The following BLK variants were observed in gnomAD, a reference collection of about 807,000 sequenced individuals.
BLK encodes tyrosine-protein kinase Blk.
Under a neutral mutation model 61.8 loss-of-function variants are expected in BLK, and 64 were observed. That is an observed-to-expected ratio of 1.03 (90% CI 0.85 to 1.27). BLK has a LOEUF of 1.27. Among genes scored for constraint, BLK ranks in the 50% most tolerant of loss-of-function variants. BLK has a pLI of 0.00. For synonymous variants in BLK, 351 were observed against 272.0 expected (o/e 1.29, Z -2.86); for missense variants, 853 against 660.5 (o/e 1.29, Z -3.19).
At position 11,557,970 on chromosome 8, in the gene BLK, C is replaced by A; in HGVS notation, c.961C>A (p.Leu321Met). ...VTEYMARGCL[L>M]DFLKTDEGSR... ...AACTTCTCTTTTCTTAGGATGCCTGCTGGATTTCCTGAAGACAGATGAAGG... is the reference window on the plus strand; with the variant it reads ...AACTTCTCTTTTCTTAGGATGCCTGATGGATTTCCTGAAGACAGATGAAGG... Residue 321 changes from leucine (L) to methionine (M), a missense_variant, in exon 10 of 13, where the codon CTG (leucine) becomes ATG (methionine). Transcript: ENST00000259089. 1 of 1,614,008 alleles carries A rather than the reference C, an allele frequency of 6.2e-7. No individual in the cohort carries two copies. Among genetic ancestry groups the A allele is most frequent in the Non-Finnish European group, 8.5e-7 (1 of 1,179,898 alleles).
At chr8:11,495,855 C>T (rs1015524297) in intron 1 of BLK, among the ~76,000 whole-genome samples, 4 of 152,130 alleles carry the variant, frequency 2.6e-5, no homozygotes, top group East Asian at 3.9e-4. Flanking sequence ...ACCATGGTTA[C>T]GTAAGGTGTT....
intron 1 of BLK, among the ~76,000 whole-genome samples, chr8:11,535,837 C>A (rs1469362939): frequency 2.6e-5 from 4 of 152,162 alleles, no homozygotes; most frequent in Non-Finnish European, 4.4e-5. Flanking sequence ...AGAGGTAACT[C>A]TATGTGTAAG....
At chr8:11,545,415 G>T (rs1320531279) in intron 2 of BLK, among the ~76,000 whole-genome samples, 3 of 152,146 alleles carry the variant, frequency 2.0e-5, no homozygotes, top group Non-Finnish European at 2.9e-5. Flanking sequence ...TGGGCGTGAT[G>T]GCGGGCACCT....
intron 3 of BLK, among the ~76,000 whole-genome samples, 174 bp from the exon 4 acceptor site, chr8:11,547,858 C>T (rs1037428670): frequency 6.6e-6 from 1 of 152,084 alleles, no homozygotes; most frequent in Non-Finnish European, 1.5e-5. Context: ...CTCTGGGGGG[C>T]AGCCCATCCC....
chr8:11,524,804 C>CA (rs1487646991), intron 1 of BLK, among the ~76,000 whole-genome samples: 1 of 151,874 alleles, frequency 6.6e-6, no homozygotes, highest in Admixed American at 6.6e-5. Context: ...GACAGCCCCT[C>CA]ACAGGTTGCT....
chr8:11,519,731 T>C (rs1799367294), intron 1 of BLK, among the ~76,000 whole-genome samples: 1 of 152,210 alleles, frequency 6.6e-6, no homozygotes, highest in Non-Finnish European at 1.5e-5. Context: ...TCAAGGAAGC[T>C]GACAAATATG....
At chr8:11,495,115 T>G (rs1798316775) in intron 1 of BLK, among the ~76,000 whole-genome samples, 1 of 152,278 alleles carries the variant, frequency 6.6e-6, no homozygotes, top group Admixed American at 6.5e-5. Flanking sequence ...GATGTAATGA[T>G]GATCTTCTTG....
chr8:11,504,493 T>C (rs1193001247), intron 1 of BLK, among the ~76,000 whole-genome samples: 3 of 151,680 alleles, frequency 2.0e-5, no homozygotes, highest in Non-Finnish European at 2.9e-5. Context: ...GAAGAAGAAG[T>C]AGGCCCTTCA....
chr8:11,537,880 G>A (rs1259621567), intron 1 of BLK, among the ~76,000 whole-genome samples: 3 of 152,110 alleles, frequency 2.0e-5, no homozygotes, highest in Non-Finnish European at 2.9e-5. Flanking sequence ...TTCAGGCTTT[G>A]AGCATCTCCC....
intron 2 of BLK, among the ~76,000 whole-genome samples, chr8:11,545,427 T>C (rs1800587077): frequency 6.6e-6 from 1 of 152,150 alleles, no homozygotes; most frequent in South Asian, 2.1e-4. Context: ...CGGGCACCTG[T>C]AATCTCAGCT....
At chr8:11,495,597 G>A (rs933452275) in intron 1 of BLK, among the ~76,000 whole-genome samples, 2 of 137,528 alleles carry the variant, frequency 1.5e-5, no homozygotes, top group African/African-American at 5.0e-5. Context: ...ATCCAAACTG[G>A]GGAAGATTCC....
chr8:11,540,328 C>T (rs147979267), intron 1 of BLK, among the ~76,000 whole-genome samples: 128 of 152,192 alleles, frequency 8.4e-4, no homozygotes, highest in African/African-American at 2.8e-3. Context: ...TTTTCACATA[C>T]GCGATTCCTG....
At chr8:11,527,104 G>T (rs894272605) in intron 1 of BLK, among the ~76,000 whole-genome samples, 2 of 152,302 alleles carry the variant, frequency 1.3e-5, no homozygotes, top group East Asian at 1.9e-4. Context: ...CTCGCAAGGG[G>T]TCTTTCACTG....
intron 1 of BLK, among the ~76,000 whole-genome samples, chr8:11,529,939 G>C (rs1475981424): frequency 3.3e-5 from 5 of 152,122 alleles, no homozygotes; most frequent in African/African-American, 1.2e-4. Flanking sequence ...ACCAAATATG[G>C]GGTCATCAGC....
intron 9 of BLK, 46 bp downstream of exon 9, chr8:11,556,883 C>T: frequency 1.3e-6 from 2 of 1,583,346 alleles, no homozygotes; most frequent in Non-Finnish European, 8.6e-7. Context: ...GGCGGGAGGG[C>T]CGGGCTTAGC....
chr8:11,506,943 C>CTTT (rs1798793092), intron 1 of BLK, among the ~76,000 whole-genome samples: 1 of 152,204 alleles, frequency 6.6e-6, no homozygotes, highest in Non-Finnish European at 1.5e-5. Flanking sequence ...CAGGAAAGTT[C>CTTT]TTTTGTCTCT....
At chr8:11,521,077 T>C (rs1415948560) in intron 1 of BLK, among the ~76,000 whole-genome samples, 1 of 152,120 alleles carries the variant, frequency 6.6e-6, no homozygotes, top group African/African-American at 2.4e-5. Context: ...ATTTATGTGG[T>C]TCTATGCAGG....
At chr8:11,559,957 A>AT in intron 10 of BLK, 1 of 388,940 alleles carries the variant, frequency 2.6e-6, no homozygotes. Context: ...CCTACTCAAC[A>AT]TTTTTTAAAA....
intron 1 of BLK, among the ~76,000 whole-genome samples, chr8:11,521,467 T>G (rs2117333092): frequency 6.6e-6 from 1 of 152,242 alleles, no homozygotes; most frequent in South Asian, 2.1e-4. Context: ...ATTCTTCTAA[T>G]TTTTGTAGAG....
Sources: gnomAD v4.1 joint callset for allele counts (sites outside exome capture counted in the v4.1 genomes callset) on GRCh38, gnomAD v4.1.1 for gene constraint, MANE v1.5 for transcripts, NCBI Gene and HGNC (gene_info 2026-07-23, HGNC 2026-07-21) for gene names.